The following BBX variants were observed in gnomAD, a reference collection of about 807,000 sequenced individuals.
The protein encoded by BBX is HMG box transcription factor BBX.
Under a neutral mutation model 100.2 loss-of-function variants are expected in BBX, and 30 were observed. That is an observed-to-expected ratio of 0.30 (90% CI 0.22 to 0.41). The LOEUF (loss-of-function observed/expected upper bound fraction) is 0.41. BBX is among the 10% of genes least tolerant of loss of function. BBX has a pLI of 1.00. For missense variants in BBX, 1,023 were observed against 1,129.8 expected (o/e 0.91, Z 1.35); for synonymous variants, 376 against 388.1 (o/e 0.97, Z 0.37).
Position 107,778,421 on chromosome 3 carries a change from A to G in BBX, c.2105A>G (p.Gln702Arg). The part of the protein sequence containing the change: ...EFEKKFNSLP[Q>R]YSPVTFDRKC... ...GAAAAAAAATTCAACAGCCTCCCTCAATATAGTCCTGTTACATTTGACCGG... is the reference window on the plus strand; with the variant it reads ...GAAAAAAAATTCAACAGCCTCCCTCGATATAGTCCTGTTACATTTGACCGG... Residue 702 changes from glutamine to arginine, a missense_variant, in exon 13 of 18, where the codon CAA becomes CGA. Transcript: ENST00000325805. The G allele has an allele frequency of 6.2e-7, 1 of 1,613,454 alleles. No individual in the cohort carries two copies. Among genetic ancestry groups the G allele is most frequent in the Non-Finnish European group, 8.5e-7 (1 of 1,179,536 alleles).
intron 2 of BBX, among the ~76,000 whole-genome samples, chr3:107,551,718 C>T (rs2049698477): frequency 6.6e-6 from 1 of 152,196 alleles, no homozygotes; most frequent in Non-Finnish European, 1.5e-5. Context: ...CCTTAGTTTT[C>T]TCATTTATAA....
chr3:107,605,389 G>A (rs1190363903), intron 2 of BBX, among the ~76,000 whole-genome samples: 2 of 150,768 alleles, frequency 1.3e-5, no homozygotes, highest in Non-Finnish European at 3.0e-5. Flanking sequence ...TTTTTTTTGG[G>A]GGGGGGATTT....
intron 3 of BBX, among the ~76,000 whole-genome samples, chr3:107,705,568 T>C (rs1198360624): frequency 2.0e-5 from 3 of 152,196 alleles, no homozygotes; most frequent in African/African-American, 7.2e-5. Flanking sequence ...CTGCAGATTA[T>C]ATCATCTGGG....
chr3:107,780,084 G>A (rs1215147221), intron 13 of BBX, among the ~76,000 whole-genome samples: 2 of 152,112 alleles, frequency 1.3e-5, no homozygotes, highest in African/African-American at 4.8e-5. Flanking sequence ...GACAGGTAGG[G>A]AGCTGAGCAC....
At chr3:107,698,517 T>A (rs949931449) in intron 3 of BBX, among the ~76,000 whole-genome samples, 3 of 151,416 alleles carry the variant, frequency 2.0e-5, no homozygotes, top group African/African-American at 7.3e-5. Flanking sequence ...TCAGGTGTGA[T>A]GGCATACTCC....
chr3:107,528,791 T>C (rs2047953756), intron 2 of BBX, among the ~76,000 whole-genome samples: 1 of 152,206 alleles, frequency 6.6e-6, no homozygotes, highest in Non-Finnish European at 1.5e-5. Flanking sequence ...CTCATGAAAA[T>C]CTAACTCAGT....
chr3:107,695,172 G>C (rs2060497299), intron 3 of BBX, among the ~76,000 whole-genome samples: 1 of 115,806 alleles, frequency 8.6e-6, no homozygotes, highest in African/African-American at 3.7e-5. Context: ...ATTTTTTGAA[G>C]GGTTTTTTGT....
chr3:107,602,101 G>A (rs549521453), intron 2 of BBX, among the ~76,000 whole-genome samples: 1 of 152,264 alleles, frequency 6.6e-6, no homozygotes, highest in South Asian at 2.1e-4. Flanking sequence ...AATATTTCAA[G>A]CCCACTGTTG....
chr3:107,656,372 A>G (rs1054027803), intron 3 of BBX, among the ~76,000 whole-genome samples: 1 of 152,168 alleles, frequency 6.6e-6, no homozygotes. Flanking sequence ...AGTACTATCT[A>G]TGAAATACTT....
intron 2 of BBX, among the ~76,000 whole-genome samples, chr3:107,574,796 T>C (rs2051647769): frequency 6.6e-6 from 1 of 152,126 alleles, no homozygotes; most frequent in Admixed American, 6.5e-5. Flanking sequence ...TTATAAAAAT[T>C]GATTTATTTT....
chr3:107,700,709 T>C (rs1249494913), intron 3 of BBX, among the ~76,000 whole-genome samples: 2 of 150,878 alleles, frequency 1.3e-5, no homozygotes, highest in Non-Finnish European at 2.9e-5. Flanking sequence ...GTCCTTGCGA[T>C]AGTTTGCTGA....
At chr3:107,751,882 C>A (rs192019583) in intron 9 of BBX, among the ~76,000 whole-genome samples, 1 of 152,266 alleles carries the variant, frequency 6.6e-6, no homozygotes. Context: ...TTAAGTTGGT[C>A]AGAATGAATT....
intron 10 of BBX, among the ~76,000 whole-genome samples, chr3:107,769,274 T>A (rs2066698308): frequency 6.6e-6 from 1 of 151,840 alleles, no homozygotes; most frequent in South Asian, 2.1e-4. Context: ...TAGAAAAAAT[T>A]TTGAAGTATC....
intron 8 of BBX, 97 bp downstream of exon 8, chr3:107,744,807 C>G (rs1045063390): frequency 1.0e-5 from 10 of 972,174 alleles, no homozygotes; most frequent in Non-Finnish European, 4.9e-6. Flanking sequence ...AAGAACTCTA[C>G]TCAGCTCAAC....
Position 107,807,622 on chromosome 3 carries a change from A to G in BBX, c.*2165A>G, listed in dbSNP as rs568535420. 6.6e-6 allele frequency: 1 copy of G among 151,444 alleles called. No individual in the cohort carries two copies. Among genetic ancestry groups the G allele is most frequent in the South Asian group, 2.1e-4 (1 of 4,806 alleles). 9.4% of individuals were successfully genotyped at this position (151,444 alleles called of 1,614,324 possible). On this transcript the variant is annotated 3_prime_UTR_variant, in exon 18 of 18. Coordinates refer to ENST00000325805, the MANE Select transcript of BBX (RefSeq NM_001142568.3). ...CTATAGAACACGTTAGAATAGATCT[A>G]TTTTTGCCAGAGCACCCTCCTTCAG...
At chr3:107,749,756 C>G (rs1329759973) in intron 9 of BBX, among the ~76,000 whole-genome samples, 3 of 151,984 alleles carry the variant, frequency 2.0e-5, no homozygotes, top group Non-Finnish European at 4.4e-5. Context: ...GCCTCAGCCT[C>G]CTGAGTAGCT....
At chr3:107,583,442 CTG>C (rs2052433590) in intron 2 of BBX, among the ~76,000 whole-genome samples, 1 of 151,818 alleles carries the variant, frequency 6.6e-6, no homozygotes, top group Admixed American at 6.6e-5. Context: ...AACTGAGTGA[CTG>C]AGTAGTTTTT....
At chr3:107,529,913 G>T (rs2048041825) in intron 2 of BBX, among the ~76,000 whole-genome samples, 1 of 151,644 alleles carries the variant, frequency 6.6e-6, no homozygotes, top group Admixed American at 6.6e-5. Context: ...AGCCAGTAAA[G>T]AATTTCATCT....
At chr3:107,771,237 C>G (rs964321091) in intron 10 of BBX, among the ~76,000 whole-genome samples, 5 of 152,002 alleles carry the variant, frequency 3.3e-5, no homozygotes, top group African/African-American at 1.2e-4. Flanking sequence ...ATTTTGGGAG[C>G]CTTGCAGTTA....
Sources: allele counts gnomAD v4.1 joint callset (sites outside exome capture counted in the v4.1 genomes callset), GRCh38; gene constraint gnomAD v4.1.1; transcripts MANE v1.5; gene names NCBI Gene and HGNC (gene_info 2026-07-23, HGNC 2026-07-21).